Variants in TMPO observed in about 807,000 individuals in gnomAD.
The protein encoded by TMPO is thymopoietin, also known as LEM domain containing 4.
Under a neutral mutation model 45.4 loss-of-function variants are expected in TMPO, and 22 were observed. The observed-to-expected ratio is 0.48, with a 90% confidence interval of 0.35 to 0.69. The LOEUF (loss-of-function observed/expected upper bound fraction) is 0.69. Among genes scored for constraint, TMPO ranks in the 30% least tolerant of loss-of-function variants. The pLI is 0.01. For missense variants in TMPO, 512 were observed against 548.8 expected, an observed-to-expected ratio of 0.93 and a Z score of 0.67; for synonymous variants, 241 against 204.1, an observed-to-expected ratio of 1.18 and a Z score of -1.54.
chr12:98,532,108 T>A, intron 3 of TMPO: 1 of 383,590 alleles, frequency 2.6e-6, no homozygotes, highest in Non-Finnish European at 4.8e-6. Flanking sequence ...GAGAATAAAG[T>A]ATTACAAGTA....
intron 8 of TMPO, 53 bp from the exon 9 acceptor site, chr12:98,547,520 A>T: frequency 6.2e-7 from 1 of 1,606,316 alleles, no homozygotes; most frequent in Non-Finnish European, 8.5e-7. Context: ...TATTTCTCTA[A>T]ATCATGCCTT....
intron 7 of TMPO, 129 bp from the exon 8 acceptor site, chr12:98,546,230 T>C (rs1320328202): frequency 1.4e-6 from 1 of 710,636 alleles, no homozygotes; most frequent in Non-Finnish European, 2.6e-6. Flanking sequence ...AATTTAGAAA[T>C]GGCAGCTGTA....
rs762987460 is a variant in TMPO at position 98,545,005 on chromosome 12, A to G, written c.934A>G (p.Thr312Ala). The change falls in exon 7 of 9, where the codon ACT becomes GCT. Residue 312 changes from threonine to alanine, a missense_variant. Thr to Ala is a moderately conservative substitution (Grantham distance 58). Coordinates refer to ENST00000556029, the MANE Select transcript of TMPO (RefSeq NM_001032283.3). ...GCATGCATCTCCTATTCTGCCAATCACTGAATTCTCAGACATACCCAGAAG... is the reference window on the plus strand; with the variant it reads ...GCATGCATCTCCTATTCTGCCAATCGCTGAATTCTCAGACATACCCAGAAG... ...FKHASPILPI[T>A]EFSDIPRRAP... 26 of 1,613,844 alleles carry G rather than the reference A, an allele frequency of 1.6e-5. No homozygotes were observed. Among genetic ancestry groups the G allele is most frequent in the Non-Finnish European group, 2.0e-5 (24 of 1,179,962 alleles).
intron 3 of TMPO, among the ~76,000 whole-genome samples, chr12:98,536,535 G>T (rs1264163948): frequency 1.3e-5 from 2 of 152,024 alleles, no homozygotes; most frequent in Admixed American, 1.3e-4. Flanking sequence ...TGTATTTTTA[G>T]TAGAGACGGG....
intron 7 of TMPO, 64 bp downstream of exon 7, chr12:98,545,125 G>GTTTTTTT (rs573744306): frequency 7.4e-6 from 4 of 543,072 alleles, no homozygotes; most frequent in African/African-American, 5.1e-5. Context: ...ATAAATATTT[G>GTTTTTTT]TTTGTTTTTT....
intron 4 of TMPO, among the ~76,000 whole-genome samples, chr12:98,540,751 G>A (rs1016393933): frequency 6.6e-6 from 1 of 152,060 alleles, no homozygotes. Flanking sequence ...CATATTGGAC[G>A]GCACAGATCC....
intron 1 of TMPO, among the ~76,000 whole-genome samples, chr12:98,519,084 G>T (rs113822789): frequency 0.064 from 9,651 of 151,932 alleles, 399 homozygotes; most frequent in African/African-American, 0.11. Flanking sequence ...GGGTTTCACC[G>T]TGTTAGCCAG....
chr12:98,544,372 G>T, intron 5 of TMPO, 23 bp downstream of exon 5: 1 of 1,613,638 alleles, frequency 6.2e-7, no homozygotes, highest in Non-Finnish European at 8.5e-7. Context: ...TTATTCCTTG[G>T]GTTTTCAGAT....
chr12:98,544,627 C>A, intron 6 of TMPO, 90 bp downstream of exon 6: 8 of 1,005,522 alleles, frequency 8.0e-6, no homozygotes, highest in Non-Finnish European at 1.2e-5. Context: ...TGGCAAATCT[C>A]AAATTTACAT....
At chr12:98,517,644 A>G (rs925409265) in intron 1 of TMPO, among the ~76,000 whole-genome samples, 1 of 152,266 alleles carries the variant, frequency 6.6e-6, no homozygotes, top group African/African-American at 2.4e-5. Context: ...AGAGAAGTTG[A>G]AAGTTTTACC....
chr12:98,526,329 T>G (rs1280805412), intron 1 of TMPO, among the ~76,000 whole-genome samples: 1 of 152,142 alleles, frequency 6.6e-6, no homozygotes, highest in Non-Finnish European at 1.5e-5. Flanking sequence ...GGGTGGAGAT[T>G]GGTTCCAGGA....
At chr12:98,534,769 T>C (rs867527919) in intron 3 of TMPO, 80 of 1,012,010 alleles carry the variant, frequency 7.9e-5, no homozygotes, top group Non-Finnish European at 8.9e-5. Context: ...TTTGATACTT[T>C]TATCTCAGTA....
At chr12:98,535,973 A>G (rs955114204) in intron 3 of TMPO, among the ~76,000 whole-genome samples, 2 of 152,208 alleles carry the variant, frequency 1.3e-5, no homozygotes, top group African/African-American at 4.8e-5. Context: ...AATAGATTTT[A>G]TATTGCTGGG....
At chr12:98,527,533 A>AT (rs1876868683) in intron 1 of TMPO, 4 of 222,710 alleles carry the variant, frequency 1.8e-5, no homozygotes, top group Non-Finnish European at 9.0e-6. Context: ...ATTAAAAAAA[A>AT]AAAAAAAAAG....
chr12:98,531,229 C>G (rs1877168644), intron 2 of TMPO, among the ~76,000 whole-genome samples: 1 of 146,526 alleles, frequency 6.8e-6, no homozygotes. Flanking sequence ...CATCAGCCAC[C>G]ACGTCCTTTT....
chr12:98,534,916 T>G (rs1444123806), intron 3 of TMPO: 1 of 962,958 alleles, frequency 1.0e-6, no homozygotes, highest in Non-Finnish European at 1.2e-6. Flanking sequence ...AAACTGTTAC[T>G]TATCCACAGG....
At chr12:98,524,392 T>A (rs894372241) in intron 1 of TMPO, among the ~76,000 whole-genome samples, 1 of 151,978 alleles carries the variant, frequency 6.6e-6, no homozygotes, top group Non-Finnish European at 1.5e-5. Flanking sequence ...GCCAAAATGG[T>A]GAAACCCTGT....
Position 98,533,479 on chromosome 12 carries a change from A to G in TMPO, c.565+1641A>G, listed in dbSNP as rs143232629. On this transcript the variant is annotated intron_variant, in intron 3 of 8. Transcript: ENST00000556029. ...TATGCCCCCACTGGATGTAGAAAACATACAGAAGAGAATTGATCAGTCTAA... is the reference window on the plus strand; with the variant it reads ...TATGCCCCCACTGGATGTAGAAAACGTACAGAAGAGAATTGATCAGTCTAA... 2.6e-4 allele frequency: 421 copies of G among 1,614,200 alleles called. No homozygotes were observed. The highest frequency in any genetic ancestry group is 3.4e-4 in the Non-Finnish European group (396 of 1,180,034).
chr12:98,537,616 T>C (rs374452692), intron 4 of TMPO, 44 bp downstream of exon 4: 62 of 1,406,910 alleles, frequency 4.4e-5, no homozygotes, highest in African/African-American at 5.7e-5. Context: ...ATAAATAACC[T>C]CCTGACAACA....
Sources: gnomAD v4.1 joint callset for allele counts (sites outside exome capture counted in the v4.1 genomes callset) on GRCh38, gnomAD v4.1.1 for gene constraint, MANE v1.5 for transcripts, NCBI Gene and HGNC (gene_info 2026-07-23, HGNC 2026-07-21) for gene names.